Variants in PACC1 observed in about 807,000 individuals in gnomAD.
PACC1 encodes proton-activated chloride channel.
In PACC1, 34 loss-of-function variants were observed where a neutral mutation model predicts 39.7. The ratio of observed to expected loss-of-function variants is 0.86; its 90% CI spans 0.65 to 1.14. PACC1 has a LOEUF of 1.14. Ranked by LOEUF, PACC1 falls within the 50% of genes most tolerant of loss-of-function variation. PACC1 has a pLI of 0.00. For synonymous variants in PACC1, 127 were observed against 160.6 expected (o/e 0.79, Z 1.58); for missense variants, 379 against 436.4 (o/e 0.87, Z 1.17).
intron 7 of PACC1, among the ~76,000 whole-genome samples, chr1:212,367,530 A>G (rs1257132347): frequency 6.6e-6 from 1 of 152,206 alleles, no homozygotes; most frequent in African/African-American, 2.4e-5. Context: ...GTCTGGGCCC[A>G]CTTTACAATA....
intron 2 of PACC1, among the ~76,000 whole-genome samples, chr1:212,401,846 C>T (rs1398428764): frequency 6.6e-6 from 1 of 151,624 alleles, no homozygotes; most frequent in East Asian, 2.0e-4. Flanking sequence ...GCTAATTTTT[C>T]ATATTTTTGT....
chr1:212,390,509 C>T (rs1037890664), intron 2 of PACC1, among the ~76,000 whole-genome samples: 22 of 151,418 alleles, frequency 1.5e-4, no homozygotes, highest in Middle Eastern at 6.9e-3. Context: ...CAGCTCCCAG[C>T]GAGAGAGATG....
chr1:212,366,032 C>G (rs1490305873), intron 7 of PACC1, among the ~76,000 whole-genome samples: 2 of 152,182 alleles, frequency 1.3e-5, no homozygotes, highest in Non-Finnish European at 2.9e-5. Flanking sequence ...GTCCTCTGCT[C>G]TTTTCCCCAT....
chr1:212,388,064 A>G (rs578151379), intron 2 of PACC1, among the ~76,000 whole-genome samples: 1 of 149,620 alleles, frequency 6.7e-6, no homozygotes, highest in Non-Finnish European at 1.5e-5. Context: ...CAAAAAAAAA[A>G]AAAAAAGAAA....
intron 2 of PACC1, among the ~76,000 whole-genome samples, chr1:212,404,754 T>G (rs1264695294): frequency 6.6e-6 from 1 of 151,250 alleles, no homozygotes; most frequent in Non-Finnish European, 1.5e-5. Context: ...GCATCATTCC[T>G]GGCTAATTTT....
At chr1:212,404,955 T>C (rs1434712728) in intron 2 of PACC1, among the ~76,000 whole-genome samples, 2 of 152,052 alleles carry the variant, frequency 1.3e-5, no homozygotes, top group African/African-American at 4.8e-5. Flanking sequence ...GTATTTTTAG[T>C]AGAGATGGGG....
chr1:212,390,753 C>T (rs1318011697), intron 2 of PACC1, among the ~76,000 whole-genome samples: 2 of 152,244 alleles, frequency 1.3e-5, no homozygotes, highest in African/African-American at 4.8e-5. Context: ...TAATACCGTG[C>T]TTTTCCAATG....
intron 1 of PACC1, 40 bp from the exon 2 acceptor site, chr1:212,410,561 T>A (rs775595598): frequency 1.3e-6 from 2 of 1,579,044 alleles, no homozygotes; most frequent in South Asian, 1.1e-5. Flanking sequence ...AAGTCAGCTA[T>A]GTCAGCCTTG....
intron 1 of PACC1, 115 bp downstream of exon 1, chr1:212,414,607 C>T (rs1342395341): frequency 2.2e-6 from 3 of 1,346,928 alleles, no homozygotes; most frequent in South Asian, 2.6e-5. Flanking sequence ...CCGTCGGTCC[C>T]TCGGAAGAGC....
In PACC1 at chr1:212,414,836, T is replaced by G; in HGVS notation, c.-79A>C. On this transcript the variant is annotated 5_prime_UTR_variant, in exon 1 of 8. Transcript: ENST00000261455. ...GACGCAGCACTGCGGCCGCTGCACC[T>G]GGACCTACCGGCTCCGCGAGGCGAA... 6.4e-7 allele frequency: 1 copy of G among 1,574,330 alleles called. No homozygotes were observed.
At chr1:212,381,058 T>A (rs1388306769) in intron 4 of PACC1, among the ~76,000 whole-genome samples, 1 of 152,262 alleles carries the variant, frequency 6.6e-6, no homozygotes, top group East Asian at 1.9e-4. Context: ...TACACACACA[T>A]ACATACTCTA....
At chr1:212,405,696 C>T (rs140422331) in intron 2 of PACC1, among the ~76,000 whole-genome samples, 4 of 152,236 alleles carry the variant, frequency 2.6e-5, no homozygotes, top group Middle Eastern at 3.4e-3. Context: ...GAACACCTTG[C>T]GAGACAGCTC....
At position 212,365,258 on chromosome 1, in the gene PACC1, CTCTT is replaced by C. The variant is rs746212824; in HGVS notation, c.1006_1009del (p.Lys336AspfsTer13). The C allele has an allele frequency of 2.7e-5, 43 of 1,613,618 alleles. No homozygotes were observed. The highest frequency in any genetic ancestry group is 1.2e-4 in the African/African-American group (9 of 74,874). Reference sequence around the variant, plus strand: ...TGCCTGACCTCTTCTTTTAAGGTATCTCTTTCTAATTTTGATCATCCATTTTATA... The same window carrying C: ...TGCCTGACCTCTTCTTTTAAGGTATCTCTAATTTTGATCATCCATTTTATA... On this transcript the variant is annotated frameshift_variant, in exon 8 of 8. Transcript: ENST00000261455. LOFTEE classifies it high-confidence loss of function.
At chr1:212,393,684 A>C (rs1003792289) in intron 2 of PACC1, among the ~76,000 whole-genome samples, 1 of 152,104 alleles carries the variant, frequency 6.6e-6, no homozygotes, top group Non-Finnish European at 1.5e-5. Flanking sequence ...ATTGATAGAC[A>C]GCTAGCAAGA....
intron 2 of PACC1, among the ~76,000 whole-genome samples, chr1:212,391,481 A>C (rs1571660143): frequency 6.6e-6 from 1 of 152,318 alleles, no homozygotes; most frequent in Non-Finnish European, 1.5e-5. Flanking sequence ...TAAAACCACA[A>C]AGATGGGGAA....
At position 212,382,115 on chromosome 1, in the gene PACC1, T is replaced by G. The variant is rs1291360203; in HGVS notation, c.496-2078A>C. On this transcript the variant is annotated intron_variant, in intron 4 of 7. Coordinates refer to ENST00000261455, the MANE Select transcript of PACC1 (RefSeq NM_018252.3). ...GTGCACTGGCGTGATCTCGGCTCACTGCAAGCTCCGCCTCCCGGGTTCAGG... is the reference window on the plus strand; with the variant it reads ...GTGCACTGGCGTGATCTCGGCTCACGGCAAGCTCCGCCTCCCGGGTTCAGG... Among the ~76,000 whole-genome samples the G allele has an allele frequency of 3.9e-5, 6 of 152,196 alleles. No homozygotes were observed. The East Asian group carries it at 1.2e-3, about 29-fold the overall frequency.
chr1:212,400,049 T>TGA (rs1461685221), intron 2 of PACC1, among the ~76,000 whole-genome samples: 12 of 152,126 alleles, frequency 7.9e-5, no homozygotes, highest in African/African-American at 2.9e-4. Flanking sequence ...TTTCACCATG[T>TGA]TAGCCAGGCT....
intron 3 of PACC1, 102 bp from the exon 4 acceptor site, chr1:212,385,527 G>A (rs1442016544): frequency 7.8e-7 from 1 of 1,281,662 alleles, no homozygotes; most frequent in Non-Finnish European, 1.1e-6. Context: ...TGGACTCCCT[G>A]GAGGACTGCA....
At chr1:212,404,443 A>C (rs1318928918) in intron 2 of PACC1, among the ~76,000 whole-genome samples, 1 of 151,512 alleles carries the variant, frequency 6.6e-6, no homozygotes, top group African/African-American at 2.4e-5. Context: ...CTACTAGATA[A>C]TGTACAGACC....
Sources: allele counts gnomAD v4.1 joint callset (sites outside exome capture counted in the v4.1 genomes callset), GRCh38; gene constraint gnomAD v4.1.1; transcripts MANE v1.5; gene names NCBI Gene and HGNC (gene_info 2026-07-23, HGNC 2026-07-21).